The following KRABD1 variants were observed in gnomAD, a reference collection of about 807,000 sequenced individuals.
KRABD1 encodes KRAB domain containing 1, also known as KRAB domain-containing protein 1.
At chr3:42,942,388 G>A in the KRABD1 span, 2 of 456,340 alleles carry the variant, frequency 4.4e-6, no homozygotes, top group African/African-American at 3.9e-5. Flanking sequence ...TGATAAACTT[G>A]GTGCAGTATT....
chr3:42,937,223 G>A, the KRABD1 span: 1 of 152,090 alleles, frequency 6.6e-6, no homozygotes, highest in Non-Finnish European at 1.5e-5. Flanking sequence ...GATAACATTC[G>A]ATGTCCCTGC....
chr3:42,942,127 C>T, the KRABD1 span: 4 of 1,191,264 alleles, frequency 3.4e-6, no homozygotes, highest in Admixed American at 2.0e-5. Context: ...GCCTTCATTT[C>T]ATCAAAATGA....
At chr3:42,942,240 C>A in the KRABD1 span, among the ~76,000 whole-genome samples, 1 of 152,088 alleles carries the variant, frequency 6.6e-6, no homozygotes, top group African/African-American at 2.4e-5. Context: ...CCCTTTAAAG[C>A]GTAGTACACA....
At chr3:42,942,670 T>C in the KRABD1 span, 1 of 973,536 alleles carries the variant, frequency 1.0e-6, no homozygotes, top group Non-Finnish European at 1.5e-6. Flanking sequence ...AAATACCAGT[T>C]TTCCAAGTAA....
At chr3:42,939,989 T>C in the KRABD1 span, among the ~76,000 whole-genome samples, 1 of 152,238 alleles carries the variant, frequency 6.6e-6, no homozygotes, top group African/African-American at 2.4e-5. Context: ...TAATGGTATC[T>C]TTTGATTATA....
chr3:42,938,764 C>A, the KRABD1 span: 1 of 537,118 alleles, frequency 1.9e-6, no homozygotes, highest in Non-Finnish European at 3.3e-6. Flanking sequence ...TTGATATAGC[C>A]TTCAAAACAG....
At chr3:42,937,898 A>G in the KRABD1 span, 1 of 152,348 alleles carries the variant, frequency 6.6e-6, no homozygotes, top group South Asian at 2.1e-4. Flanking sequence ...CAAACTGCAG[A>G]TATGGAGTTG....
At chr3:42,938,720 A>C in the KRABD1 span, 1 of 450,942 alleles carries the variant, frequency 2.2e-6, no homozygotes, top group Non-Finnish European at 4.1e-6. Context: ...CGCCTTTGTG[A>C]GATTGATAAT....
the KRABD1 span, among the ~76,000 whole-genome samples, chr3:42,939,482 G>C: frequency 6.6e-6 from 1 of 151,858 alleles, no homozygotes; most frequent in African/African-American, 2.4e-5. Context: ...ATGGACTTTT[G>C]GTTGTTCCCA....
the KRABD1 span, chr3:42,941,393 G>A: frequency 3.9e-6 from 6 of 1,524,578 alleles, no homozygotes; most frequent in East Asian, 1.2e-4. Flanking sequence ...GGGCCCTCAG[G>A]TTGAAGGGCT....
chr3:42,940,839 G>A, the KRABD1 span, among the ~76,000 whole-genome samples: 3 of 152,156 alleles, frequency 2.0e-5, no homozygotes, highest in African/African-American at 7.2e-5. Flanking sequence ...TAATCACTGG[G>A]ATATATACAA....
the KRABD1 span, chr3:42,938,303 G>A: frequency 6.6e-6 from 1 of 152,184 alleles, no homozygotes; most frequent in African/African-American, 2.4e-5. Context: ...TAGTAGTAGG[G>A]AGGCATCAAA....
chr3:42,942,521 A>AT, the KRABD1 span: 1 of 747,120 alleles, frequency 1.3e-6, no homozygotes, highest in Non-Finnish European at 2.0e-6. Context: ...AGTTGTTATG[A>AT]TTTTCCTCCT....
chr3:42,941,908 C>A, the KRABD1 span: 1 of 1,137,258 alleles, frequency 8.8e-7, no homozygotes, highest in Non-Finnish European at 1.3e-6. Flanking sequence ...TTAAATTTGA[C>A]CCCTATGACT....
chr3:42,942,108 T>G, the KRABD1 span: 2 of 1,368,808 alleles, frequency 1.5e-6, no homozygotes, highest in South Asian at 2.5e-5. Context: ...CAGCTTTGTC[T>G]CTTCCTTTGC....
the KRABD1 span, chr3:42,941,884 T>C: frequency 6.9e-5 from 63 of 911,382 alleles, no homozygotes; most frequent in Non-Finnish European, 1.0e-4. Context: ...TTGCTTGTTC[T>C]TGTAGCCACA....
At chr3:42,941,189 T>C in the KRABD1 span, 3 of 1,534,324 alleles carry the variant, frequency 2.0e-6, no homozygotes, top group Admixed American at 5.9e-5. Flanking sequence ...ATCACCAAAG[T>C]ACTGAGGTCT....
chr3:42,937,654 C>G, the KRABD1 span: 1 of 152,180 alleles, frequency 6.6e-6, no homozygotes, highest in Non-Finnish European at 1.5e-5. Context: ...ATTGTGTTTT[C>G]TTTTAAAGTA....
At chr3:42,942,687 G>A in the KRABD1 span, 1 of 721,930 alleles carries the variant, frequency 1.4e-6, no homozygotes, top group African/African-American at 1.8e-5. Context: ...GTAAGGAGTT[G>A]ATGTAAGAGC....
Sources: gnomAD v4.1 joint callset for allele counts (sites outside exome capture counted in the v4.1 genomes callset) on GRCh38, gnomAD v4.1.1 for gene constraint, MANE v1.5 for transcripts, NCBI Gene and HGNC (gene_info 2026-07-23, HGNC 2026-07-21) for gene names.